GRIN1: variants seen among roughly 807,000 people sequenced by gnomAD.
The protein encoded by GRIN1 is glutamate receptor ionotropic, NMDA 1.
Under a neutral mutation model 103.0 loss-of-function variants are expected in GRIN1, and 38 were observed. The ratio of observed to expected loss-of-function variants is 0.37; its 90% confidence interval spans 0.28 to 0.48. The LOEUF is 0.48. Among genes scored for constraint, GRIN1 ranks in the 20% least tolerant of loss-of-function variants. The pLI is 0.98. For missense variants in GRIN1, 577 were observed against 1,288.9 expected (o/e 0.45, Z 8.46); for synonymous variants, 544 against 532.7 (o/e 1.02, Z -0.29).
In GRIN1 at chr9:137,162,440, G is replaced by A. The variant is rs557991007; in HGVS notation, c.1788G>A (p.Glu596=). The change falls in exon 13 of 20, where the codon GAG becomes GAA. Residue 596 remains glutamate (E), a synonymous_variant. Coordinates refer to ENST00000371561, the MANE Select transcript of GRIN1 (RefSeq NM_007327.4). ...GGTTCAAGGTGAACAGCGAGGAGGA[G>A]GAGGAGGACGCACTGACCCTGTCCT... is the stretch of plus-strand genomic sequence containing the variant. ...FGRFKVNSEE[E]EEDALTLSSA... is the part of the protein sequence containing the mutation. The A allele has an allele frequency of 1.3e-5, 21 of 1,610,090 alleles. No individual in the cohort carries two copies. In the South Asian group the frequency reaches 2.2e-4, roughly 17 times the overall value.
chr9:137,152,652 G>C (rs1332063399), intron 4 of GRIN1, among the ~76,000 whole-genome samples: 3 of 152,144 alleles, frequency 2.0e-5, no homozygotes, highest in African/African-American at 7.2e-5. Flanking sequence ...CGCGTTGCCA[G>C]CCTCAGGGCC....
At chr9:137,150,176 C>G (rs1478067875) in intron 4 of GRIN1, among the ~76,000 whole-genome samples, 1 of 152,204 alleles carries the variant, frequency 6.6e-6, no homozygotes, top group Admixed American at 6.5e-5. Context: ...TCACAGGTCA[C>G]TTGTCCACTC....
intron 4 of GRIN1, among the ~76,000 whole-genome samples, chr9:137,154,646 T>G (rs563012542): frequency 6.6e-6 from 1 of 151,646 alleles, no homozygotes; most frequent in Non-Finnish European, 1.5e-5. Flanking sequence ...GAGACGGGGT[T>G]TCTCCATGTT....
chr9:137,143,019 G>A (rs1188553065), intron 2 of GRIN1, among the ~76,000 whole-genome samples: 1 of 152,244 alleles, frequency 6.6e-6, no homozygotes, highest in Non-Finnish European at 1.5e-5. Context: ...ACAGCCCTCC[G>A]TCTACCCAGG....
At chr9:137,147,454 G>GCA (rs1564347175) in intron 3 of GRIN1, among the ~76,000 whole-genome samples, 1 of 150,492 alleles carries the variant, frequency 6.6e-6, no homozygotes. Context: ...ACATGCACAC[G>GCA]CACACACATG....
rs771650497 is a variant in GRIN1 at position 137,158,376 on chromosome 9, T to C, written c.969-3T>C. 17 of 1,613,284 alleles carry C rather than the reference T, an allele frequency of 1.1e-5. No homozygotes were observed. The highest frequency in any genetic ancestry group is 1.4e-5 in the Non-Finnish European group (17 of 1,180,002). On this transcript the variant is annotated splice_region_variant and splice_polypyrimidine_tract_variant and intron_variant, in intron 6 of 19. Coordinates refer to ENST00000371561, the MANE Select transcript of GRIN1 (RefSeq NM_007327.4). The stretch of plus-strand genomic sequence containing the variant: ...GAAGCCTCAGCTATGCTTCCTTCCC[T>C]AGAGTGCTGATGTCTTCCAAGTATG...
intron 4 of GRIN1, 42 bp downstream of exon 4, chr9:137,149,151 A>T (rs1832704763): frequency 7.5e-7 from 1 of 1,335,324 alleles, no homozygotes; most frequent in South Asian, 1.2e-5. Context: ...ACAGGATGGT[A>T]CCTGAGCCAA....
chr9:137,146,165 G>C lies in GRIN1; in HGVS notation c.570+263G>C, dbSNP rs9411312. 0.95 allele frequency among the ~76,000 whole-genome samples: 145,084 copies of C among 152,150 alleles called. 69,240 individuals are homozygous for C. The highest frequency in any genetic ancestry group is 0.99 in the African/African-American group (40,911 of 41,524). On this transcript the variant is annotated intron_variant, in intron 3 of 19. Coordinates refer to ENST00000371561, the MANE Select transcript of GRIN1 (RefSeq NM_007327.4). This position sits in a 1 kb window ranked among gnomAD's most constrained non-coding sequence, Gnocchi z 6.7. Reference sequence around the variant, plus strand: ...GCAAACACCCCTGCCCCGCGCTGCCGAGCGCCCTCGTCCCCTCCTCCTGCC... The same window carrying C: ...GCAAACACCCCTGCCCCGCGCTGCCCAGCGCCCTCGTCCCCTCCTCCTGCC...
At chr9:137,157,795 G>A (rs1031569978) in intron 6 of GRIN1, among the ~76,000 whole-genome samples, 4 of 152,242 alleles carry the variant, frequency 2.6e-5, no homozygotes, top group South Asian at 2.1e-4. Flanking sequence ...TAGGCAGCAC[G>A]TGTGCACACA....
intron 2 of GRIN1, among the ~76,000 whole-genome samples, chr9:137,142,477 T>G (rs1832231456): frequency 6.7e-6 from 1 of 148,228 alleles, no homozygotes; most frequent in Admixed American, 6.7e-5. Flanking sequence ...CACACACACA[T>G]CACACACTCA....
chr9:137,162,631 G>A lies in GRIN1; in HGVS notation c.1905G>A (p.Val635=). 1.2e-6 allele frequency: 2 copies of A among 1,612,770 alleles called. No individual in the cohort carries two copies. The highest frequency in any genetic ancestry group is 1.7e-6 in the Non-Finnish European group (2 of 1,179,808). Reference sequence around the variant, plus strand: ...TCTCAGCGCGCATCCTGGGCATGGTGTGGGCCGGCTTTGCCATGATCATCG... The same window carrying A: ...TCTCAGCGCGCATCCTGGGCATGGTATGGGCCGGCTTTGCCATGATCATCG... The part of the protein sequence containing the change: ...RSFSARILGM[V]WAGFAMIIVA... The change falls in exon 14 of 20, where the codon GTG becomes GTA. Residue 635 remains valine, a synonymous_variant. Coordinates refer to ENST00000371561, the MANE Select transcript of GRIN1 (RefSeq NM_007327.4).
At chr9:137,143,699 GCCA>G (rs759009399) in intron 2 of GRIN1, among the ~76,000 whole-genome samples, 7 of 152,228 alleles carry the variant, frequency 4.6e-5, no homozygotes, top group African/African-American at 7.2e-5. Context: ...AGCCTGCCTT[GCCA>G]CCACGTCACC....
Position 137,146,151 on chromosome 9 carries a change from T to G in GRIN1, c.570+249T>G, listed in dbSNP as rs1379936019. On this transcript the variant is annotated intron_variant, in intron 3 of 19. Coordinates refer to ENST00000371561, the MANE Select transcript of GRIN1 (RefSeq NM_007327.4). The surrounding 1 kb of genome is among the most constrained non-coding windows in gnomAD (Gnocchi z 6.7). ...CCACCTGGAGCTCCGCAAACACCCCTGCCCCGCGCTGCCGAGCGCCCTCGT... is the reference window on the plus strand; with the variant it reads ...CCACCTGGAGCTCCGCAAACACCCCGGCCCCGCGCTGCCGAGCGCCCTCGT... 6.6e-6 allele frequency among the ~76,000 whole-genome samples: 1 copy of G among 152,024 alleles called. No homozygotes were observed. Among genetic ancestry groups the G allele is most frequent in the Admixed American group, 6.5e-5 (1 of 15,278 alleles).
chr9:137,147,463 TGCACACAC>T (rs752037150), intron 3 of GRIN1, among the ~76,000 whole-genome samples: 6 of 151,020 alleles, frequency 4.0e-5, no homozygotes, highest in South Asian at 2.1e-4. Flanking sequence ...CGCACACACA[TGCACACAC>T]GCACACACAA....
chr9:137,164,952 C>A, intron 18 of GRIN1: 1 of 528,026 alleles, frequency 1.9e-6, no homozygotes, highest in South Asian at 2.0e-5. Context: ...GAAGAGCCAG[C>A]CGAGAGCCCC....
intron 3 of GRIN1, 74 bp downstream of exon 3, chr9:137,145,976 C>T (rs1217779985): frequency 1.9e-6 from 2 of 1,072,888 alleles, no homozygotes; most frequent in African/African-American, 1.6e-5. Flanking sequence ...TCTGTGGCTC[C>T]GTGTGTGACA....
intron 4 of GRIN1, among the ~76,000 whole-genome samples, chr9:137,153,592 C>A (rs917139586): frequency 7.2e-5 from 11 of 152,192 alleles, no homozygotes; most frequent in African/African-American, 2.4e-4. Flanking sequence ...CATACAGATA[C>A]AGGCACACAC....
intron 18 of GRIN1, 198 bp from the exon 19 acceptor site, chr9:137,164,988 G>T: frequency 3.3e-6 from 2 of 597,280 alleles, no homozygotes; most frequent in Non-Finnish European, 3.0e-6. Flanking sequence ...CACGAGCAAG[G>T]TCAGGCCCGA....
chr9:137,153,844 T>C (rs1012561270), intron 4 of GRIN1, among the ~76,000 whole-genome samples: 3 of 152,314 alleles, frequency 2.0e-5, no homozygotes, highest in South Asian at 2.1e-4. Flanking sequence ...AGAGTCTTGC[T>C]CTGTTGCCCA....
Sources: gnomAD v4.1 joint callset for allele counts (sites outside exome capture counted in the v4.1 genomes callset) on GRCh38, gnomAD v4.1.1 for gene constraint, Gnocchi (gnomAD v3.1) non-coding constraint, MANE v1.5 for transcripts, NCBI Gene and HGNC (gene_info 2026-07-23, HGNC 2026-07-21) for gene names.